The following CRYBG1 variants were observed in gnomAD, a reference collection of about 807,000 sequenced individuals.
CRYBG1 encodes beta/gamma crystallin domain-containing protein 1.
Under a neutral mutation model 189.2 loss-of-function variants are expected in CRYBG1, and 139 were observed. The observed-to-expected ratio is 0.73, with a 90% CI of 0.64 to 0.85. The LOEUF is 0.85. Among genes scored for constraint, CRYBG1 ranks in the 40% least tolerant of loss-of-function variants. The probability of loss-of-function intolerance (pLI) is 0.00; values close to 1 mark genes in which losing one functional copy is unlikely to be tolerated. For missense variants in CRYBG1, 2,611 were observed against 2,675.8 expected (o/e 0.98, Z 0.53); for synonymous variants, 1,023 against 1,017.1 (o/e 1.01, Z -0.11).
chr6:106,513,495 T>G (rs2114527401), intron 3 of CRYBG1, among the ~76,000 whole-genome samples: 1 of 152,336 alleles, frequency 6.6e-6, no homozygotes, highest in Admixed American at 6.5e-5. Context: ...TTAAGAGAAT[T>G]TGCAGAACCT....
chr6:106,364,353 A>G (rs1771940628), intron 1 of CRYBG1, among the ~76,000 whole-genome samples: 1 of 152,022 alleles, frequency 6.6e-6, no homozygotes, highest in Non-Finnish European at 1.5e-5. Flanking sequence ...AAAGAAAGAA[A>G]AGCTTGCCAG....
At chr6:106,540,449 G>A (rs1054889460) in intron 9 of CRYBG1, among the ~76,000 whole-genome samples, 1 of 152,172 alleles carries the variant, frequency 6.6e-6, no homozygotes, top group Admixed American at 6.5e-5. Context: ...CTGTATGTTT[G>A]CTGGTCTTAA....
chr6:106,364,367 A>G (rs1457511411), intron 1 of CRYBG1, among the ~76,000 whole-genome samples: 4 of 152,204 alleles, frequency 2.6e-5, no homozygotes, highest in Non-Finnish European at 4.4e-5. Flanking sequence ...TTGCCAGTCC[A>G]AAGATGATTT....
chr6:106,424,817 G>A (rs776892727), intron 1 of CRYBG1, among the ~76,000 whole-genome samples: 37 of 152,066 alleles, frequency 2.4e-4, no homozygotes, highest in African/African-American at 6.8e-4. Context: ...CTGTCTGCCC[G>A]TCACCACAGA....
At chr6:106,458,402 T>C (rs1308287371) in intron 2 of CRYBG1, among the ~76,000 whole-genome samples, 2 of 152,220 alleles carry the variant, frequency 1.3e-5, no homozygotes, top group Non-Finnish European at 2.9e-5. Context: ...TTTTTTGTGA[T>C]CTCTGCCCCA....
intron 1 of CRYBG1, among the ~76,000 whole-genome samples, chr6:106,436,295 C>CTT (rs56333625): frequency 6.8e-4 from 95 of 139,718 alleles, no homozygotes; most frequent in Non-Finnish European, 1.1e-3. Context: ...CATGCAATCT[C>CTT]TTTTTTTTTT....
intron 2 of CRYBG1, among the ~76,000 whole-genome samples, chr6:106,466,621 A>C (rs1772119481): frequency 6.6e-6 from 1 of 152,232 alleles, no homozygotes; most frequent in African/African-American, 2.4e-5. Flanking sequence ...AAATAAACTA[A>C]TTTTATTTAT....
In CRYBG1 at chr6:106,520,379, C is replaced by T. The variant is rs776284327; in HGVS notation, c.3171C>T (p.Pro1057=). Reference sequence around the variant, plus strand: ...CACCCCTGATGGCTGAATCCAGTCCCACCAACTCTCCCAGCAGCGGAAATC... The same window carrying T: ...CACCCCTGATGGCTGAATCCAGTCCTACCAACTCTCCCAGCAGCGGAAATC... ...SRTPLMAESS[P]TNSPSSGNHL... Residue 1057 remains proline (P), a synonymous_variant, in exon 4 of 22, where the codon CCC becomes CCT. Transcript: ENST00000633556. 9 of 1,614,024 alleles carry T rather than the reference C, an allele frequency of 5.6e-6. No homozygotes were observed. The highest frequency in any genetic ancestry group is 1.1e-5 in the South Asian group (1 of 91,086).
rs745758534 is a variant in CRYBG1, at chr6:106,560,817, A to AAT, written c.5873_5874dup (p.Gly1959MetfsTer28). On this transcript the variant is annotated frameshift_variant, in exon 19 of 22. Transcript: ENST00000633556. LOFTEE classifies it high-confidence loss of function. ...TTTGTTTTCAGATGGGTTACTTATG[A>AAT]ATATGGCAGTTACAGAGGGCGACAG... The AAT allele has an allele frequency of 3.3e-5, 53 of 1,611,910 alleles. No individual in the cohort carries two copies. Among genetic ancestry groups the AAT allele is most frequent in the East Asian group, 1.8e-4 (8 of 44,850 alleles).
chr6:106,537,161 AAATGTT>A, intron 8 of CRYBG1, among the ~76,000 whole-genome samples: 1 of 152,224 alleles, frequency 6.6e-6, no homozygotes, highest in East Asian at 1.9e-4. Context: ...AACAGAAGTG[AAATGTT>A]TAGTATTAGA....
At chr6:106,381,723 C>A (rs1256164973) in intron 1 of CRYBG1, among the ~76,000 whole-genome samples, 1 of 152,168 alleles carries the variant, frequency 6.6e-6, no homozygotes, top group Non-Finnish European at 1.5e-5. Context: ...ATTAAAACAC[C>A]AAGTTCTGCC....
At chr6:106,476,532 C>A (rs1355426139) in intron 2 of CRYBG1, among the ~76,000 whole-genome samples, 1 of 152,138 alleles carries the variant, frequency 6.6e-6, no homozygotes, top group Non-Finnish European at 1.5e-5. Context: ...AGCTATGACA[C>A]TAAGGAATGA....
At position 106,519,985 on chromosome 6, in the gene CRYBG1, T is replaced by C. The variant is rs1266805991; in HGVS notation, c.2777T>C (p.Leu926Ser). ...SRQNNEKMPL[L>S]ELGGETTPPL... is the part of the protein sequence containing the mutation. The stretch of plus-strand genomic sequence containing the variant: ...CAGAACAATGAGAAAATGCCACTTT[T>C]AGAACTTGGAGGAGAAACAACCCCT... The change falls in exon 4 of 22, where the codon TTA becomes TCA. Residue 926 changes from leucine to serine, a missense_variant. Leu to Ser is a moderately radical substitution (Grantham distance 145). Transcript: ENST00000633556. 27 of 1,614,140 alleles carry C rather than the reference T, an allele frequency of 1.7e-5. No homozygotes were observed. The highest frequency in any genetic ancestry group is 2.2e-5 in the Non-Finnish European group (26 of 1,180,030).
chr6:106,438,613 A>G (rs985918430), intron 1 of CRYBG1, among the ~76,000 whole-genome samples: 1 of 152,074 alleles, frequency 6.6e-6, no homozygotes, highest in Non-Finnish European at 1.5e-5. Context: ...TCCATAATCC[A>G]TATGTGTTTG....
chr6:106,451,722 G>A lies in CRYBG1; in HGVS notation c.202G>A (p.Val68Met). 6.5e-7 allele frequency: 1 copy of A among 1,533,958 alleles called. No homozygotes were observed. Among genetic ancestry groups the A allele is most frequent in the South Asian group, 1.2e-5 (1 of 83,804 alleles). ...RALDVVDGKY[V>M]VRDSQEFPLH... ...TTTGGATGTAGTCGATGGAAAATATGTGGTTCGAGACTCCCAGGAATTTCC... is the reference window on the plus strand; with the variant it reads ...TTTGGATGTAGTCGATGGAAAATATATGGTTCGAGACTCCCAGGAATTTCC... The change falls in exon 2 of 22, where the codon GTG becomes ATG. Residue 68 changes from valine to methionine, a missense_variant. By Grantham distance (21) the Val-to-Met change is conservative (BLOSUM62 1). This residue lies in a region of CRYBG1 where 985 missense variants were observed against 924.4 expected (regional missense o/e 1.07). Coordinates refer to ENST00000633556, the MANE Select transcript of CRYBG1 (RefSeq NM_001371242.2).
intron 2 of CRYBG1, among the ~76,000 whole-genome samples, chr6:106,478,637 C>T (rs550850464): frequency 1.3e-5 from 2 of 152,300 alleles, no homozygotes. Context: ...CAGGGGCCCC[C>T]GACCCCTGGA....
At chr6:106,390,959 A>G (rs1003794437) in intron 1 of CRYBG1, among the ~76,000 whole-genome samples, 12 of 152,346 alleles carry the variant, frequency 7.9e-5, no homozygotes, top group Non-Finnish European at 1.3e-4. Flanking sequence ...TTGCTGGGAC[A>G]TGGGGCAAAC....
intron 2 of CRYBG1, among the ~76,000 whole-genome samples, chr6:106,495,738 A>G (rs2114500323): frequency 6.6e-6 from 1 of 151,060 alleles, no homozygotes; most frequent in Admixed American, 6.6e-5. Flanking sequence ...TAGTTCCATC[A>G]GTCATTCTTA....
At chr6:106,398,446 A>AAAAT (rs534571209) in intron 1 of CRYBG1, among the ~76,000 whole-genome samples, 4,002 of 152,058 alleles carry the variant, frequency 0.026, 125 homozygotes, top group African/African-American at 0.073. Flanking sequence ...CTTGTCTCAA[A>AAAAT]AAATAAATAA....
Sources: allele counts gnomAD v4.1 joint callset (sites outside exome capture counted in the v4.1 genomes callset), GRCh38; gene constraint gnomAD v4.1.1; regional missense constraint gnomAD v4.1.1; transcripts MANE v1.5; gene names NCBI Gene and HGNC (gene_info 2026-07-23, HGNC 2026-07-21).